The following SAMMSON variants were observed in gnomAD, a reference collection of about 807,000 sequenced individuals.
The protein encoded by SAMMSON is survival associated mitochondrial melanoma specific oncogenic non-coding RNA.
At chr3:70,006,554 A>G (rs1367879770) in intron 1 of SAMMSON, among the ~76,000 whole-genome samples, 1 of 152,142 alleles carries the variant, frequency 6.6e-6, no homozygotes, top group Non-Finnish European at 1.5e-5. Flanking sequence ...TGTGATTTCT[A>G]CCACTCCTAT....
At chr3:70,271,904 CA>C (rs1307799224) in intron 6 of SAMMSON, 11 of 152,370 alleles carry the variant, frequency 7.2e-5, no homozygotes, top group African/African-American at 2.4e-4. Context: ...GCTAGGCTTA[CA>C]GGCACCTGCC....
At chr3:70,124,934 A>T in intron 4 of SAMMSON, 1 of 536,924 alleles carries the variant, frequency 1.9e-6, no homozygotes, top group Non-Finnish European at 3.3e-6. Flanking sequence ...TTAAAGGCAT[A>T]TGTATTTAAT....
chr3:70,261,371 A>C (rs1012802112), intron 6 of SAMMSON, among the ~76,000 whole-genome samples: 3 of 152,200 alleles, frequency 2.0e-5, no homozygotes, highest in African/African-American at 7.2e-5. Context: ...TGATGTGAAC[A>C]TGCATATGTT....
chr3:70,250,411 T>TCACACACACACACA (rs61355248), intron 6 of SAMMSON, among the ~76,000 whole-genome samples: 1 of 124,908 alleles, frequency 8.0e-6, no homozygotes, highest in South Asian at 3.6e-4. Flanking sequence ...TTAATGAATC[T>TCACACACACACACA]CACACACACA....
intron 4 of SAMMSON, among the ~76,000 whole-genome samples, chr3:70,139,223 G>T (rs563046625): frequency 6.6e-6 from 1 of 152,268 alleles, no homozygotes; most frequent in African/African-American, 2.4e-5. Context: ...TTTTTGTAGA[G>T]ATGGGGTCTT....
chr3:70,411,532 A>G (rs1191147504), intron 2 of SAMMSON, among the ~76,000 whole-genome samples: 2 of 152,200 alleles, frequency 1.3e-5, no homozygotes, highest in South Asian at 2.1e-4. Context: ...GGGTATCACA[A>G]TGATATGGTT....
At chr3:70,376,083 A>T (rs966498488) in intron 9 of SAMMSON, among the ~76,000 whole-genome samples, 1 of 152,192 alleles carries the variant, frequency 6.6e-6, no homozygotes, top group South Asian at 2.1e-4. Context: ...TTGAATACCT[A>T]GTGTTCCAAT....
chr3:70,198,629 T>C (rs1701205063), intron 4 of SAMMSON, among the ~76,000 whole-genome samples: 1 of 152,198 alleles, frequency 6.6e-6, no homozygotes, highest in Admixed American at 6.5e-5. Flanking sequence ...CCTTCCTTTC[T>C]TCCCAGAAAG....
intron 7 of SAMMSON, among the ~76,000 whole-genome samples, chr3:70,352,989 A>T (rs936638722): frequency 2.0e-5 from 3 of 152,032 alleles, no homozygotes; most frequent in African/African-American, 4.8e-5. Context: ...AAAAAGATAA[A>T]TTTTTTCAGC....
intron 4 of SAMMSON, among the ~76,000 whole-genome samples, chr3:70,142,872 C>G (rs2067533353): frequency 6.6e-6 from 1 of 152,094 alleles, no homozygotes; most frequent in Admixed American, 6.6e-5. Flanking sequence ...CAGTGAAGCA[C>G]CTGTACAAAA....
chr3:70,024,034 CT>C (rs1214918672), intron 3 of SAMMSON, among the ~76,000 whole-genome samples: 2 of 151,984 alleles, frequency 1.3e-5, no homozygotes, highest in Non-Finnish European at 2.9e-5. Flanking sequence ...GTTACCCAAA[CT>C]GGTCTATCCC....
intron 7 of SAMMSON, among the ~76,000 whole-genome samples, chr3:70,295,072 C>A (rs190362283): frequency 6.6e-6 from 1 of 152,254 alleles, no homozygotes; most frequent in East Asian, 1.9e-4. Flanking sequence ...CTAAAATTAT[C>A]ATTGGCAAGG....
chr3:70,246,298 A>C (rs182817777), intron 4 of SAMMSON, among the ~76,000 whole-genome samples: 27 of 152,236 alleles, frequency 1.8e-4, no homozygotes, highest in African/African-American at 6.5e-4. Flanking sequence ...TTACTTGAGC[A>C]ACATGTCAGA....
At chr3:70,308,024 C>A (rs1702419554) in intron 7 of SAMMSON, among the ~76,000 whole-genome samples, 1 of 152,082 alleles carries the variant, frequency 6.6e-6, no homozygotes, top group East Asian at 1.9e-4. Context: ...CCACAGTTTG[C>A]ATAATGCAGC....
chr3:70,097,299 C>G (rs1384706321), intron 4 of SAMMSON, among the ~76,000 whole-genome samples: 2 of 152,210 alleles, frequency 1.3e-5, no homozygotes, highest in Non-Finnish European at 2.9e-5. Flanking sequence ...GATTCTGTTT[C>G]TTCACCATGA....
intron 3 of SAMMSON, among the ~76,000 whole-genome samples, chr3:70,024,011 T>C (rs935239713): frequency 3.3e-5 from 4 of 121,650 alleles, no homozygotes; most frequent in African/African-American, 1.5e-4. Flanking sequence ...TTCCTATTTT[T>C]TTCCTAATCA....
rs2067450776 is a variant in SAMMSON, at chr3:70,125,041, T to G, written n.507+53476T>G. ...TGGAAAGCCCTTGAAAGATACAGGA[T>G]TCAAAAGAAACCTTTATTAATTTTT... On this transcript the variant is annotated intron_variant and non_coding_transcript_variant, in intron 4 of 9. Transcript: ENST00000642114. The G allele has an allele frequency of 3.9e-6, 3 of 762,252 alleles. No homozygotes were observed. In the South Asian group the frequency reaches 4.6e-5, roughly 12 times the overall value. The allele number at this position is 762,252 out of a possible 1,614,324, so 47.2% of individuals were successfully genotyped here. A position where few individuals can be genotyped will look rare whatever the true frequency, so the allele number is the denominator to read the frequency against.
intron 4 of SAMMSON, among the ~76,000 whole-genome samples, chr3:70,110,450 G>T (rs777896110): frequency 6.6e-6 from 1 of 152,148 alleles, no homozygotes; most frequent in African/African-American, 2.4e-5. Context: ...AGGATGTAGG[G>T]GGGTAGTGTG....
intron 6 of SAMMSON, among the ~76,000 whole-genome samples, chr3:70,279,605 G>T (rs1450784968): frequency 6.6e-6 from 1 of 152,144 alleles, no homozygotes; most frequent in Non-Finnish European, 1.5e-5. Flanking sequence ...CTGGGTTGAA[G>T]GCTCAGATTT....
Sources: allele counts gnomAD v4.1 joint callset (sites outside exome capture counted in the v4.1 genomes callset), GRCh38; gene constraint gnomAD v4.1.1; transcripts MANE v1.5; gene names NCBI Gene and HGNC (gene_info 2026-07-23, HGNC 2026-07-21).